The following COL6A3 variants were observed in gnomAD, a reference collection of about 807,000 sequenced individuals.
The protein encoded by COL6A3 is collagen alpha-3(VI) chain.
In COL6A3, 137 loss-of-function variants were observed where a neutral mutation model predicts 274.1. The observed-to-expected ratio is 0.50, with a 90% CI of 0.44 to 0.58. The LOEUF (loss-of-function observed/expected upper bound fraction) is 0.58, where lower values mean the gene tolerates loss of function less well. Ranked by LOEUF, COL6A3 falls within the 20% of genes least tolerant of loss-of-function variation. COL6A3 has a pLI of 0.00. For synonymous variants in COL6A3, 1,650 were observed against 1,650.6 expected (o/e 1.00, Z 0.01); for missense variants, 3,950 against 4,124.9 (o/e 0.96, Z 1.16).
chr2:237,371,687 A>G lies in COL6A3; in HGVS notation c.4285+45T>C, dbSNP rs569709003. The G allele has an allele frequency of 3.9e-6, 6 of 1,535,262 alleles. No individual in the cohort carries two copies. Among genetic ancestry groups the G allele is most frequent in the Non-Finnish European group, 4.4e-6 (5 of 1,144,508 alleles). The stretch of plus-strand genomic sequence containing the variant: ...ATGGCCTTTGAGCCTGTTATTTTTC[A>G]TATGGAAAATGCTCCAAGGAGAACC... On this transcript the variant is annotated intron_variant, in intron 9 of 43. Coordinates refer to ENST00000295550, the MANE Select transcript of COL6A3 (RefSeq NM_004369.4). This position sits in a 1 kb window ranked among gnomAD's most constrained non-coding sequence, Gnocchi z 4.3.
intron 21 of COL6A3, 146 bp from the exon 22 acceptor site, chr2:237,358,028 A>T (rs2077355732): frequency 1.3e-6 from 1 of 797,364 alleles, no homozygotes; most frequent in Non-Finnish European, 2.2e-6. Context: ...TCCAGGTAAC[A>T]TCCATGCAGG....
chr2:237,392,854 A>T (rs2078326842), intron 3 of COL6A3, among the ~76,000 whole-genome samples: 1 of 152,100 alleles, frequency 6.6e-6, no homozygotes, highest in Non-Finnish European at 1.5e-5. Context: ...GGCTCTCTAT[A>T]GTTCCTACAC....
rs2077875964 is a variant in COL6A3 at position 237,377,333 on chromosome 2, C to T, written c.2509G>A (p.Asp837Asn). Residue 837 changes from aspartate to asparagine, a missense_variant, in exon 7 of 44, where the codon GAC becomes AAC. Asp to Asn is a conservative substitution (Grantham distance 23, BLOSUM62 1). Coordinates refer to ENST00000295550, the MANE Select transcript of COL6A3 (RefSeq NM_004369.4). The part of the protein sequence containing the change: ...VPLAQPESKR[D>N]ILFLFDGSAN... ...GAGCCGTCAAAGAGGAACAGAATGT[C>T]TCGCTTGCTCTCTGCAATGAAGGTA... 6.2e-7 allele frequency: 1 copy of T among 1,600,080 alleles called. No homozygotes were observed.
At chr2:237,405,240 G>A (rs546346142) in intron 1 of COL6A3, among the ~76,000 whole-genome samples, 52 of 152,238 alleles carry the variant, frequency 3.4e-4, no homozygotes, top group African/African-American at 1.2e-3. Context: ...GCCATCATGC[G>A]GGAAGCAGGT....
chr2:237,395,011 C>T lies in COL6A3; in HGVS notation c.285G>A (p.Thr95=), dbSNP rs373435541. The T allele has an allele frequency of 4.7e-5, 76 of 1,613,976 alleles. No homozygotes were observed. Among genetic ancestry groups the T allele is most frequent in the Middle Eastern group, 1.6e-4 (1 of 6,084 alleles). The change falls in exon 3 of 44, where the codon ACG becomes ACA. Residue 95 remains threonine, a synonymous_variant. Transcript: ENST00000295550. ...GNPHTEFLLN[T]YRTKQEVLSH... is the part of the protein sequence containing the mutation. Reference sequence around the variant, plus strand: ...AAAGGACTTCTTGTTTAGTACGATACGTATTTAACAGGAACTCGGTATGTG... The same window carrying T: ...AAAGGACTTCTTGTTTAGTACGATATGTATTTAACAGGAACTCGGTATGTG...
At chr2:237,358,897 G>T in intron 20 of COL6A3, 138 bp downstream of exon 20, 1 of 887,706 alleles carries the variant, frequency 1.1e-6, no homozygotes, top group Non-Finnish European at 1.9e-6. Context: ...GGGATGTAAT[G>T]GGTGCACTCA....
intron 23 of COL6A3, chr2:237,357,027 A>G: frequency 2.2e-6 from 1 of 462,056 alleles, no homozygotes; most frequent in Non-Finnish European, 3.9e-6. Context: ...CAGTATTAGG[A>G]TTTCCATTTG....
rs1318247297 is a variant in COL6A3, at chr2:237,332,100, T to TA, written c.9328+1349dup. ...ATATATATATATATATATATATATA[T>TA]ATATATATATATATATATGAAAAGA... On this transcript the variant is annotated intron_variant, in intron 42 of 43. Coordinates refer to ENST00000295550, the MANE Select transcript of COL6A3 (RefSeq NM_004369.4). 1.5e-3 allele frequency among the ~76,000 whole-genome samples: 59 copies of TA among 40,536 alleles called. 3 individuals carry two copies. Among genetic ancestry groups the TA allele is most frequent in the Non-Finnish European group, 2.1e-3 (50 of 23,372 alleles). 26.6% of individuals were successfully genotyped at this position (40,536 alleles called of 152,430 possible). A position where few individuals can be genotyped will look rare whatever the true frequency, so the allele number is the denominator to read the frequency against.
In COL6A3 at chr2:237,372,259, G is replaced by C; in HGVS notation, c.3758C>G (p.Thr1253Ser). ...GTAGTCAACCAGCCTCTCTATGAGG[G>C]TGCGAACGTACTGGAACTCAGGCCC... ...SAGPEFQYVR[T>S]LIERLVDYLD... The change falls in exon 9 of 44, where the codon ACC (threonine) becomes AGC (serine). Residue 1253 changes from threonine (T) to serine (S), a missense_variant. Around this residue, in one of 5 missense-constraint regions of COL6A3, gnomAD observed 1,934 missense variants for 1,984.3 expected, o/e 0.97. Coordinates refer to ENST00000295550, the MANE Select transcript of COL6A3 (RefSeq NM_004369.4). The C allele has an allele frequency of 6.2e-7, 1 of 1,613,816 alleles. No homozygotes were observed. Among genetic ancestry groups the C allele is most frequent in the Non-Finnish European group, 8.5e-7 (1 of 1,180,052 alleles).
chr2:237,378,500 A>C (rs1030440287), intron 6 of COL6A3, 136 bp downstream of exon 6: 12 of 1,326,504 alleles, frequency 9.0e-6, no homozygotes, highest in Non-Finnish European at 1.3e-5. Flanking sequence ...TCAAGTCCCC[A>C]TTCAAACTAT....
chr2:237,349,490 A>G (rs1449171128), intron 28 of COL6A3, among the ~76,000 whole-genome samples: 1 of 152,264 alleles, frequency 6.6e-6, no homozygotes, highest in East Asian at 1.9e-4. Context: ...ACAAAAATGA[A>G]AGACAGAAAA....
At chr2:237,328,821 G>GACTGAGAGGTGTTTATGCTGCAATCATCA (rs1700082375) in intron 42 of COL6A3, 2 of 152,190 alleles carry the variant, frequency 1.3e-5, no homozygotes, top group African/African-American at 4.8e-5. Context: ...AAGGAAGACA[G>GACTGAGAGGTGTTTATGCTGCAATCATCA]ACTGAGAGGT....
At position 237,325,364 on chromosome 2, in the gene COL6A3, GT is replaced by G. The variant is rs543879909; in HGVS notation, c.9493+195del. On this transcript the variant is annotated intron_variant, in intron 43 of 43. Coordinates refer to ENST00000295550, the MANE Select transcript of COL6A3 (RefSeq NM_004369.4). ...TCTGAAGAATGACAAGGGACAATATGTTTTTAGAAACCCAAAATAGGAATTC... is the reference window on the plus strand; with the variant it reads ...TCTGAAGAATGACAAGGGACAATATGTTTTAGAAACCCAAAATAGGAATTC... Among the ~76,000 whole-genome samples, 5 of 152,304 alleles carry G rather than the reference GT, an allele frequency of 3.3e-5. No homozygotes were observed. The South Asian group carries it at 8.3e-4, about 25-fold the overall frequency.
intron 5 of COL6A3, 65 bp from the exon 6 acceptor site, chr2:237,379,300 C>T (rs1465617562): frequency 3.8e-6 from 6 of 1,582,550 alleles, no homozygotes; most frequent in Non-Finnish European, 5.2e-6. Context: ...TCATGTGTGC[C>T]TACAACACGT....
chr2:237,335,205 A>G (rs1700478006), intron 40 of COL6A3, among the ~76,000 whole-genome samples: 1 of 152,216 alleles, frequency 6.6e-6, no homozygotes, highest in African/African-American at 2.4e-5. Context: ...TTGCTACAAA[A>G]TGAGCCCCAT....
At position 237,372,216 on chromosome 2, in the gene COL6A3, G is replaced by A; in HGVS notation, c.3801C>T (p.Asp1267=). The A allele has an allele frequency of 1.2e-6, 2 of 1,614,104 alleles. No individual in the cohort carries two copies. Among genetic ancestry groups the A allele is most frequent in the South Asian group, 1.1e-5 (1 of 91,082 alleles). The change falls in exon 9 of 44, where the codon GAC becomes GAT. Residue 1267 remains aspartate, a synonymous_variant. Transcript: ENST00000295550. Reference sequence around the variant, plus strand: ...ACTGGATGACAGCCACCCGGGTGGTGTCAAAGCCCACGTCCAGGTAGTCAA... The same window carrying A: ...ACTGGATGACAGCCACCCGGGTGGTATCAAAGCCCACGTCCAGGTAGTCAA... ...RLVDYLDVGF[D]TTRVAVIQFS...
intron 39 of COL6A3, 103 bp from the exon 40 acceptor site, chr2:237,336,635 T>G: frequency 8.3e-7 from 1 of 1,207,390 alleles, no homozygotes; most frequent in Non-Finnish European, 1.2e-6. Flanking sequence ...GCAAAATGCA[T>G]GCAATAGTTT....
In COL6A3 at chr2:237,376,840, T is replaced by C; in HGVS notation, c.3002A>G (p.Lys1001Arg). The C allele has an allele frequency of 1.9e-6, 3 of 1,614,206 alleles. No individual in the cohort carries two copies. The highest frequency in any genetic ancestry group is 2.2e-5 in the East Asian group (1 of 44,876). The change falls in exon 7 of 44, where the codon AAG becomes AGG. Residue 1001 changes from lysine (K) to arginine (R), a missense_variant. By Grantham distance (26) the Lys-to-Arg change is conservative. This residue lies in a region of COL6A3 where 1,934 missense variants were observed against 1,984.3 expected (regional missense o/e 0.97). Coordinates refer to ENST00000295550, the MANE Select transcript of COL6A3 (RefSeq NM_004369.4). The part of the protein sequence containing the change: ...AFILAAESLP[K>R]IGDLHPQIVN... ...TATCTGTGGATGAAGATCTCCAATC[T>C]TGGGAAGCGACTCTGCAGCCAGGAT...
intron 6 of COL6A3, 35 bp from the exon 7 acceptor site, chr2:237,377,379 C>A: frequency 1.3e-6 from 2 of 1,593,806 alleles, no homozygotes; most frequent in Admixed American, 1.7e-5. Context: ...CAATGAGGGA[C>A]GAGAGCATAA....
Sources: allele counts gnomAD v4.1 joint callset (sites outside exome capture counted in the v4.1 genomes callset), GRCh38; gene constraint gnomAD v4.1.1; regional missense constraint gnomAD v4.1.1; non-coding constraint Gnocchi (gnomAD v3.1); transcripts MANE v1.5; gene names NCBI Gene and HGNC (gene_info 2026-07-23, HGNC 2026-07-21).